CAST: variants seen among roughly 807,000 people sequenced by gnomAD.
The protein encoded by CAST is calpastatin, also known as MIR583 host.
A neutral mutation model predicts 119.6 loss-of-function variants in CAST; 76 were observed. That is an observed-to-expected ratio of 0.64 (90% CI 0.53 to 0.77). The LOEUF is 0.77. Among genes scored for constraint, CAST ranks in the 30% least tolerant of loss-of-function variants. CAST has a pLI of 0.00. For synonymous variants in CAST, 319 were observed against 331.6 expected, an observed-to-expected ratio of 0.96 and a Z score of 0.41; for missense variants, 953 against 946.5, an observed-to-expected ratio of 1.01 and a Z score of -0.09.
chr5:96,201,215 A>T, the CAST span, among the ~76,000 whole-genome samples: 1 of 152,210 alleles, frequency 6.6e-6, no homozygotes, highest in Non-Finnish European at 1.5e-5. Context: ...TTTCTTTAAC[A>T]AATATGCCAT....
the CAST span, chr5:96,432,824 T>A: frequency 1.9e-6 from 3 of 1,593,304 alleles, no homozygotes; most frequent in Non-Finnish European, 2.6e-6. Context: ...GCCAGTCCCC[T>A]GGGGCCCCAG....
the CAST span, among the ~76,000 whole-genome samples, chr5:96,225,527 G>A: frequency 6.6e-6 from 1 of 152,238 alleles, no homozygotes; most frequent in Admixed American, 6.5e-5. Context: ...ATTTATGTTG[G>A]GGGGCATTGG....
At chr5:96,650,170 C>T (rs904110371) in intron 1 of CAST, among the ~76,000 whole-genome samples, 2 of 152,124 alleles carry the variant, frequency 1.3e-5, no homozygotes, top group Middle Eastern at 3.2e-3. Flanking sequence ...TCCTGGACTC[C>T]CTTGTAATTA....
chr5:96,716,782 A>G (rs1366631815), intron 3 of CAST, among the ~76,000 whole-genome samples: 1 of 152,212 alleles, frequency 6.6e-6, no homozygotes, highest in Non-Finnish European at 1.5e-5. Context: ...TTTTTAATTT[A>G]GAAAATGTTT....
intron 3 of CAST, among the ~76,000 whole-genome samples, chr5:96,717,280 G>A (rs567193428): frequency 2.0e-5 from 3 of 152,178 alleles, no homozygotes; most frequent in Admixed American, 1.3e-4. Context: ...CAACACAAGA[G>A]TTGAGAAGAT....
chr5:96,528,754 G>C (rs2150176749), upstream of CAST, among the ~76,000 whole-genome samples: 1 of 152,278 alleles, frequency 6.6e-6, no homozygotes, highest in African/African-American at 2.4e-5. Flanking sequence ...TGTAAGGTTG[G>C]CACAAGTGAT....
chr5:96,394,823 C>G, the CAST span: 1 of 1,595,112 alleles, frequency 6.3e-7, no homozygotes. Context: ...TTGTCTACCC[C>G]AGTTCAAAAG....
chr5:96,326,695 A>ATTTTTTTTTTTTTTTTTTTTTTT, the CAST span, among the ~76,000 whole-genome samples: 4 of 95,736 alleles, frequency 4.2e-5, no homozygotes, highest in African/African-American at 4.0e-5. Flanking sequence ...ATGGCTTTTC[A>ATTTTTTTTTTTTTTTTTTTTTTT]TTTTTTTTTT....
chr5:96,396,432 G>A, the CAST span, among the ~76,000 whole-genome samples: 1 of 151,900 alleles, frequency 6.6e-6, no homozygotes, highest in South Asian at 2.1e-4. Flanking sequence ...TTGGTGGTGG[G>A]TACCTGTAAT....
At chr5:96,336,315 T>A in the CAST span, among the ~76,000 whole-genome samples, 1 of 152,220 alleles carries the variant, frequency 6.6e-6, no homozygotes, top group Non-Finnish European at 1.5e-5. Context: ...GTTAGTATTA[T>A]AAGGGAAGTT....
intron 1 of CAST, among the ~76,000 whole-genome samples, chr5:96,654,006 C>A (rs1229146030): frequency 6.8e-6 from 1 of 147,772 alleles, no homozygotes; most frequent in Non-Finnish European, 1.5e-5. Context: ...CTCCTTTCTC[C>A]TTATCGTTTT....
At chr5:96,515,360 G>C in the CAST span, among the ~76,000 whole-genome samples, 1 of 151,674 alleles carries the variant, frequency 6.6e-6, no homozygotes, top group Non-Finnish European at 1.5e-5. Flanking sequence ...TTTCCTGCTT[G>C]AAAGGTGAGC....
the CAST span, among the ~76,000 whole-genome samples, chr5:96,406,195 G>A: frequency 1.2e-3 from 179 of 152,242 alleles, no homozygotes; most frequent in Middle Eastern, 0.01. Context: ...TAGATGGAAA[G>A]ACTGAACCCC....
chr5:96,114,947 T>G, the CAST span, among the ~76,000 whole-genome samples: 1 of 152,218 alleles, frequency 6.6e-6, no homozygotes. Flanking sequence ...TGACTCACAA[T>G]GTGTTACACT....
In CAST at chr5:96,675,569, T is replaced by C. The variant is rs1199302252; in HGVS notation, c.106T>C (p.Ser36Pro). The C allele has an allele frequency of 6.2e-7, 1 of 1,613,582 alleles. No individual in the cohort carries two copies. Among genetic ancestry groups the C allele is most frequent in the South Asian group, 1.1e-5 (1 of 91,078 alleles). ...HVSEKTSESP[S>P]KPGEKKGSDE... The stretch of plus-strand genomic sequence containing the variant: ...CAGTGAAAAAACCAGTGAATCGCCT[T>C]CCAAACCAGGAGAAAAGAAAGGATC... Residue 36 changes from serine to proline, a missense_variant, in exon 2 of 32, where the codon TCC (serine) becomes CCC (proline). By Grantham distance (74) the Ser-to-Pro change is moderately conservative. Coordinates refer to ENST00000675179, the MANE Select transcript of CAST (RefSeq NM_001750.7).
the CAST span, among the ~76,000 whole-genome samples, chr5:96,173,924 A>G: frequency 1.3e-5 from 2 of 151,388 alleles, no homozygotes; most frequent in Admixed American, 1.3e-4. Context: ...TTGTATTTTT[A>G]GTAGACACGG....
chr5:96,102,376 C>T, the CAST span, among the ~76,000 whole-genome samples: 12 of 152,270 alleles, frequency 7.9e-5, no homozygotes, highest in Non-Finnish European at 1.2e-4. Flanking sequence ...AAAGTCCAGC[C>T]GTCCCTCTGA....
At chr5:96,643,148 C>T (rs1162685914) in intron 1 of CAST, among the ~76,000 whole-genome samples, 2 of 152,162 alleles carry the variant, frequency 1.3e-5, no homozygotes, top group Non-Finnish European at 2.9e-5. Flanking sequence ...CATGTTTGCA[C>T]GCAGCTGGGA....
chr5:96,100,518 G>A, the CAST span, among the ~76,000 whole-genome samples: 2 of 152,206 alleles, frequency 1.3e-5, no homozygotes, highest in Admixed American at 6.5e-5. Flanking sequence ...AGCACATGGA[G>A]TGGAGTATAC....
Sources: gnomAD v4.1 joint callset for allele counts (sites outside exome capture counted in the v4.1 genomes callset) on GRCh38, gnomAD v4.1.1 for gene constraint, MANE v1.5 for transcripts, NCBI Gene and HGNC (gene_info 2026-07-23, HGNC 2026-07-21) for gene names.